Variants in GRIN2A observed in about 807,000 individuals in gnomAD.
GRIN2A encodes the protein glutamate ionotropic receptor NMDA type subunit 2A.
Under a neutral mutation model 113.4 loss-of-function variants are expected in GRIN2A, and 22 were observed. The observed-to-expected ratio is 0.19, with a 90% confidence interval of 0.14 to 0.28. GRIN2A has a LOEUF of 0.28. Ranked by LOEUF, GRIN2A falls within the 10% of genes least tolerant of loss-of-function variation. The probability of loss-of-function intolerance (pLI) is 1.00; values close to 1 mark genes in which losing one functional copy is unlikely to be tolerated. For missense variants in GRIN2A, 1,502 were observed against 1,887.0 expected, an observed-to-expected ratio of 0.80 and a Z score of 3.78; for synonymous variants, 827 against 738.4, an observed-to-expected ratio of 1.12 and a Z score of -1.94.
At chr16:9,861,487 A>G (rs1033002989) in intron 4 of GRIN2A, among the ~76,000 whole-genome samples, 1 of 152,226 alleles carries the variant, frequency 6.6e-6, no homozygotes, top group Non-Finnish European at 1.5e-5. Context: ...AGGTTAACAC[A>G]TAAGTAATTC....
chr16:10,169,742 T>C (rs1215457843), intron 2 of GRIN2A, among the ~76,000 whole-genome samples: 1 of 152,216 alleles, frequency 6.6e-6, no homozygotes, highest in Non-Finnish European at 1.5e-5. Flanking sequence ...TTTAAGACAC[T>C]GTTGGTCAAA....
chr16:9,784,587 A>C (rs536799230), intron 11 of GRIN2A, among the ~76,000 whole-genome samples: 12 of 152,274 alleles, frequency 7.9e-5, no homozygotes, highest in African/African-American at 2.2e-4. Flanking sequence ...AAAATTGACA[A>C]ATGGGATCTA....
intron 2 of GRIN2A, among the ~76,000 whole-genome samples, chr16:10,100,378 A>T (rs9938927): frequency 0.4 from 61,038 of 152,114 alleles, 12,391 homozygotes; most frequent in East Asian, 0.45. Context: ...GACCTTTGGT[A>T]GTCCTGGCAA....
intron 11 of GRIN2A, among the ~76,000 whole-genome samples, chr16:9,776,005 C>T (rs773386621): frequency 7.9e-5 from 12 of 152,284 alleles, no homozygotes; most frequent in South Asian, 2.1e-4. Context: ...AGACAGAAGA[C>T]GCAGCTTAAG....
At chr16:9,779,778 C>T (rs1344087906) in intron 11 of GRIN2A, among the ~76,000 whole-genome samples, 1 of 152,184 alleles carries the variant, frequency 6.6e-6, no homozygotes, top group Non-Finnish European at 1.5e-5. Context: ...GGAGGTGCTC[C>T]TCTGACCTCC....
chr16:9,905,068 A>G (rs1258676560), intron 3 of GRIN2A, among the ~76,000 whole-genome samples: 2 of 152,244 alleles, frequency 1.3e-5, no homozygotes, highest in Admixed American at 1.3e-4. Flanking sequence ...AAAGGCTTCA[A>G]ATCTACTTCT....
chr16:10,048,595 C>G (rs2047300100), intron 2 of GRIN2A, among the ~76,000 whole-genome samples: 1 of 152,148 alleles, frequency 6.6e-6, no homozygotes, highest in Non-Finnish European at 1.5e-5. Flanking sequence ...GCTCAATAAT[C>G]TCTCCTGGCC....
At chr16:10,096,832 A>G (rs1427422775) in intron 2 of GRIN2A, among the ~76,000 whole-genome samples, 1 of 152,088 alleles carries the variant, frequency 6.6e-6, no homozygotes, top group East Asian at 1.9e-4. Flanking sequence ...ACTCCTTGAG[A>G]CTAACCTGTC....
At chr16:10,086,293 A>G (rs894246819) in intron 2 of GRIN2A, among the ~76,000 whole-genome samples, 2 of 152,196 alleles carry the variant, frequency 1.3e-5, no homozygotes, top group Non-Finnish European at 2.9e-5. Flanking sequence ...CACTGCCATC[A>G]GCTTCTGGGC....
At chr16:9,993,047 C>T (rs558812220) in intron 2 of GRIN2A, among the ~76,000 whole-genome samples, 1 of 145,906 alleles carries the variant, frequency 6.9e-6, no homozygotes, top group East Asian at 2.0e-4. Context: ...AAAACCTCAT[C>T]TCTACCAAAA....
chr16:10,092,603 T>C (rs1313121871), intron 2 of GRIN2A, among the ~76,000 whole-genome samples: 1 of 152,224 alleles, frequency 6.6e-6, no homozygotes, highest in Non-Finnish European at 1.5e-5. Context: ...TTCAAACATA[T>C]AAAATATATT....
chr16:9,775,222 T>G (rs1901525391), intron 11 of GRIN2A, among the ~76,000 whole-genome samples: 1 of 152,180 alleles, frequency 6.6e-6, no homozygotes, highest in African/African-American at 2.4e-5. Flanking sequence ...TTTTCTTGGT[T>G]TCTTGCCAAA....
intron 3 of GRIN2A, among the ~76,000 whole-genome samples, chr16:9,909,118 C>T (rs12934658): frequency 6.6e-6 from 1 of 152,074 alleles, no homozygotes; most frequent in African/African-American, 2.4e-5. Context: ...TGGTGGAAGG[C>T]AAGGAGGACC....
At chr16:9,970,349 T>G (rs57647653) in intron 2 of GRIN2A, among the ~76,000 whole-genome samples, 1 of 152,188 alleles carries the variant, frequency 6.6e-6, no homozygotes, top group African/African-American at 2.4e-5. Context: ...AGCTAGGAAA[T>G]AGAGCAGTGT....
intron 2 of GRIN2A, among the ~76,000 whole-genome samples, chr16:10,139,674 T>C (rs548550349): frequency 3.9e-5 from 6 of 152,250 alleles, no homozygotes; most frequent in Admixed American, 3.9e-4. Flanking sequence ...TACCCAAACA[T>C]ACTGAATCAA....
chr16:9,883,906 C>A (rs1331478183), intron 4 of GRIN2A, among the ~76,000 whole-genome samples: 1 of 152,210 alleles, frequency 6.6e-6, no homozygotes, highest in Non-Finnish European at 1.5e-5. Flanking sequence ...AAGGAAGGGT[C>A]TCCCTAATGT....
intron 2 of GRIN2A, among the ~76,000 whole-genome samples, chr16:9,979,969 T>C (rs2045860573): frequency 6.6e-6 from 1 of 151,230 alleles, no homozygotes; most frequent in Admixed American, 6.6e-5. Flanking sequence ...CCTATATAAC[T>C]AGGGAATAGT....
At chr16:9,861,635 A>G (rs2043070246) in intron 4 of GRIN2A, among the ~76,000 whole-genome samples, 1 of 152,202 alleles carries the variant, frequency 6.6e-6, no homozygotes, top group Non-Finnish European at 1.5e-5. Flanking sequence ...TTTGCAGTTG[A>G]GTTCAGTGAT....
chr16:9,925,167 T>C (rs1046099271), intron 3 of GRIN2A, among the ~76,000 whole-genome samples: 4 of 152,210 alleles, frequency 2.6e-5, no homozygotes, highest in African/African-American at 9.7e-5. Context: ...TGGAAACAGT[T>C]TGATCTTTTC....
Sources: allele counts gnomAD v4.1 joint callset (sites outside exome capture counted in the v4.1 genomes callset), GRCh38; gene constraint gnomAD v4.1.1; transcripts MANE v1.5; gene names NCBI Gene and HGNC (gene_info 2026-07-23, HGNC 2026-07-21).